Variants in CDK8 observed in about 807,000 individuals in gnomAD.
CDK8 encodes cyclin dependent kinase 8.
Under a neutral mutation model 71.5 loss-of-function variants are expected in CDK8, and 29 were observed. The ratio of observed to expected loss-of-function variants is 0.41; its 90% CI spans 0.30 to 0.55. The LOEUF (loss-of-function observed/expected upper bound fraction) is 0.55. Among genes scored for constraint, CDK8 ranks in the 20% least tolerant of loss-of-function variants. The pLI is 0.37. For missense variants in CDK8, 288 were observed against 572.6 expected (o/e 0.50, Z 5.07); for synonymous variants, 161 against 192.1 (o/e 0.84, Z 1.34).
chr13:26,280,909 G>A (rs1872720950), intron 1 of CDK8, among the ~76,000 whole-genome samples: 1 of 152,226 alleles, frequency 6.6e-6, no homozygotes, highest in Non-Finnish European at 1.5e-5. Context: ...CCACAGGAGT[G>A]TACTAGAAAA....
chr13:26,396,376 TC>T (rs1220723953), intron 8 of CDK8, 22 bp downstream of exon 8: 2 of 1,228,808 alleles, frequency 1.6e-6, no homozygotes, highest in Non-Finnish European at 2.3e-6. Flanking sequence ...AAAAAGAGAC[TC>T]CTTGTTGATT....
At chr13:26,317,140 G>T (rs1056013160) in intron 1 of CDK8, among the ~76,000 whole-genome samples, 4 of 152,196 alleles carry the variant, frequency 2.6e-5, no homozygotes, top group Non-Finnish European at 5.9e-5. Context: ...CGTACGCATT[G>T]TGGGAGTTCC....
rs141591464 is a variant in CDK8 at position 26,269,631 on chromosome 13, A to G, written c.128+14862A>G. 2.6e-4 allele frequency among the ~76,000 whole-genome samples: 40 copies of G among 152,308 alleles called. No homozygotes were observed. The East Asian group carries it at 7.1e-3, about 27-fold the overall frequency. ...GTACATGAAAATTTCAATGCAAGCA[A>G]AAAATACTGAGTACATGTCACTTTA... is the stretch of plus-strand genomic sequence containing the variant. On this transcript the variant is annotated intron_variant, in intron 1 of 12. Transcript: ENST00000381527.
At chr13:26,283,969 G>A (rs1317659342) in intron 1 of CDK8, among the ~76,000 whole-genome samples, 1 of 151,310 alleles carries the variant, frequency 6.6e-6, no homozygotes, top group Non-Finnish European at 1.5e-5. Flanking sequence ...AATAAAATTG[G>A]AAATCAACTC....
At position 26,260,308 on chromosome 13, in the gene CDK8, C is replaced by T. The variant is rs1437429203; in HGVS notation, c.128+5539C>T. Among the ~76,000 whole-genome samples, 6 of 152,212 alleles carry T rather than the reference C, an allele frequency of 3.9e-5. No homozygotes were observed. The East Asian group carries it at 7.7e-4, about 20-fold the overall frequency. On this transcript the variant is annotated intron_variant, in intron 1 of 12. Transcript: ENST00000381527. Reference sequence around the variant, plus strand: ...TTAACAGTGGAGATAAATTTATCAGCGTTTGCACCGAACACCATAATTGTG... The same window carrying T: ...TTAACAGTGGAGATAAATTTATCAGTGTTTGCACCGAACACCATAATTGTG...
intron 1 of CDK8, among the ~76,000 whole-genome samples, chr13:26,319,468 T>TA (rs541642068): frequency 3.3e-3 from 452 of 137,518 alleles, no homozygotes; most frequent in African/African-American, 7.7e-3. Flanking sequence ...AAACTCCACT[T>TA]AAAAAAAAAA....
At chr13:26,346,253 C>T (rs569852569) in intron 2 of CDK8, among the ~76,000 whole-genome samples, 1 of 152,184 alleles carries the variant, frequency 6.6e-6, no homozygotes, top group Non-Finnish European at 1.5e-5. Flanking sequence ...ATACATGTCA[C>T]ATGCCTAGTA....
At chr13:26,273,741 C>T (rs1872439122) in intron 1 of CDK8, among the ~76,000 whole-genome samples, 1 of 151,684 alleles carries the variant, frequency 6.6e-6, no homozygotes. Flanking sequence ...ATGGTGTTTT[C>T]CTTTATTCTT....
At chr13:26,269,847 G>A (rs1426665839) in intron 1 of CDK8, among the ~76,000 whole-genome samples, 3 of 152,034 alleles carry the variant, frequency 2.0e-5, no homozygotes, top group Non-Finnish European at 4.4e-5. Context: ...GATAGCATTT[G>A]CTACTAGTTA....
chr13:26,275,467 C>T (rs773379536), intron 1 of CDK8, among the ~76,000 whole-genome samples: 2 of 152,194 alleles, frequency 1.3e-5, no homozygotes, highest in African/African-American at 4.8e-5. Flanking sequence ...TTGCCTACTA[C>T]AAGGTATTCT....
At chr13:26,357,276 G>A (rs7322319) in intron 4 of CDK8, among the ~76,000 whole-genome samples, 126,066 of 152,166 alleles carry the variant, frequency 0.83, 53,940 homozygotes, top group East Asian at 0.99. Flanking sequence ...TGAGCTGAGA[G>A]TCGTAATCAG....
At chr13:26,400,635 C>G in intron 10 of CDK8, 85 bp downstream of exon 10, 1 of 823,964 alleles carries the variant, frequency 1.2e-6, no homozygotes, top group Non-Finnish European at 2.1e-6. Context: ...TAAGTTGCTC[C>G]TCCTCTTATA....
chr13:26,355,894 G>A lies in CDK8; in HGVS notation c.456+2014G>A, dbSNP rs533366875. 3.3e-5 allele frequency among the ~76,000 whole-genome samples: 5 copies of A among 151,862 alleles called. 1 individual carries two copies. Among genetic ancestry groups the A allele is most frequent in the African/African-American group, 1.2e-4 (5 of 41,390 alleles). On this transcript the variant is annotated intron_variant, in intron 4 of 12. Coordinates refer to ENST00000381527, the MANE Select transcript of CDK8 (RefSeq NM_001260.3). ...CACTTGAAATACATATGTATATTAG[G>A]TAAATACAGACTGGTTTTTAAAACC... is the stretch of plus-strand genomic sequence containing the variant.
intron 1 of CDK8, among the ~76,000 whole-genome samples, chr13:26,313,832 T>C (rs947291529): frequency 6.6e-6 from 1 of 152,106 alleles, no homozygotes; most frequent in African/African-American, 2.4e-5. Context: ...AAGGAGGTGG[T>C]GTGGACAAGA....
intron 4 of CDK8, among the ~76,000 whole-genome samples, chr13:26,356,878 T>G (rs1873921203): frequency 6.6e-6 from 1 of 152,208 alleles, no homozygotes; most frequent in South Asian, 2.1e-4. Flanking sequence ...CAGATTTAGA[T>G]CAAATGTGAT....
chr13:26,275,061 C>T (rs964413232), intron 1 of CDK8, among the ~76,000 whole-genome samples: 5 of 152,032 alleles, frequency 3.3e-5, no homozygotes, highest in Non-Finnish European at 7.4e-5. Flanking sequence ...TCAATTGATT[C>T]GAAATGCTGC....
At chr13:26,316,225 T>G (rs1874506343) in intron 1 of CDK8, among the ~76,000 whole-genome samples, 1 of 152,108 alleles carries the variant, frequency 6.6e-6, no homozygotes, top group South Asian at 2.1e-4. Context: ...CTGGGCATGG[T>G]TGCACATACC....
chr13:26,382,398 G>T (rs1334410993), intron 4 of CDK8, among the ~76,000 whole-genome samples: 1 of 152,074 alleles, frequency 6.6e-6, no homozygotes, highest in Non-Finnish European at 1.5e-5. Context: ...TCCAAAAAAG[G>T]ATTTCTGGTG....
intron 1 of CDK8, among the ~76,000 whole-genome samples, chr13:26,322,111 G>A (rs1874803829): frequency 6.6e-6 from 1 of 151,988 alleles, no homozygotes; most frequent in Non-Finnish European, 1.5e-5. Flanking sequence ...CAGAGAAATG[G>A]GCCTTTTGGT....
Sources: allele counts gnomAD v4.1 joint callset (sites outside exome capture counted in the v4.1 genomes callset), GRCh38; gene constraint gnomAD v4.1.1; transcripts MANE v1.5; gene names NCBI Gene and HGNC (gene_info 2026-07-23, HGNC 2026-07-21).